Variants in ZBTB7C observed in about 807,000 individuals in gnomAD.
The protein encoded by ZBTB7C is zinc finger and BTB domain containing 7C.
In ZBTB7C, 8 loss-of-function variants were observed where a neutral mutation model predicts 25.7. The observed-to-expected ratio is 0.31, with a 90% CI of 0.18 to 0.56. ZBTB7C has a LOEUF of 0.56. Among genes scored for constraint, ZBTB7C ranks in the 20% least tolerant of loss-of-function variants. ZBTB7C has a pLI of 0.91. For missense variants in ZBTB7C, 824 were observed against 855.2 expected (o/e 0.96, Z 0.46); for synonymous variants, 394 against 369.0 (o/e 1.07, Z -0.78).
rs577556291 is a variant in ZBTB7C, at chr18:48,330,369, T to C, written c.-79+7805A>G. Among the ~76,000 whole-genome samples, 5 of 152,306 alleles carry C rather than the reference T, an allele frequency of 3.3e-5. No homozygotes were observed. In the East Asian group the frequency reaches 9.7e-4, roughly 29 times the overall value. On this transcript the variant is annotated intron_variant, in intron 2 of 4. Transcript: ENST00000590800. The stretch of plus-strand genomic sequence containing the variant: ...TTAGGTAGCATGAGCTCTTGCCTGC[T>C]GTTCACATCCTGAATAACTCCATGC...
chr18:48,117,174 C>A (rs1275188255), intron 3 of ZBTB7C, among the ~76,000 whole-genome samples: 1 of 152,286 alleles, frequency 6.6e-6, no homozygotes, highest in East Asian at 1.9e-4. Context: ...ACATACCAGT[C>A]CCTCCGTGGA....
At chr18:48,227,995 G>C (rs1011429425) in intron 2 of ZBTB7C, among the ~76,000 whole-genome samples, 4 of 152,176 alleles carry the variant, frequency 2.6e-5, no homozygotes, top group African/African-American at 9.7e-5. Context: ...TGGGAGGAAA[G>C]GGATGGGCAT....
chr18:48,210,934 T>C (rs939041183), intron 2 of ZBTB7C, among the ~76,000 whole-genome samples: 5 of 152,156 alleles, frequency 3.3e-5, no homozygotes, highest in African/African-American at 9.7e-5. Flanking sequence ...AGGACTGACT[T>C]CAAGAACTAC....
intron 1 of ZBTB7C, among the ~76,000 whole-genome samples, chr18:48,358,229 G>A (rs2047021837): frequency 6.6e-6 from 1 of 152,168 alleles, no homozygotes; most frequent in African/African-American, 2.4e-5. Flanking sequence ...GCGGGCACCT[G>A]TAATCCCAGC....
At chr18:48,408,923 T>TTCCC (rs1298211466) in intron 1 of ZBTB7C, among the ~76,000 whole-genome samples, 15 of 136,738 alleles carry the variant, frequency 1.1e-4, no homozygotes, top group African/African-American at 3.8e-4. Flanking sequence ...CCCTCCCTCC[T>TTCCC]TCCCTCCCTC....
chr18:48,273,730 T>A (rs73955675), intron 2 of ZBTB7C, among the ~76,000 whole-genome samples: 4 of 152,172 alleles, frequency 2.6e-5, no homozygotes, highest in African/African-American at 9.6e-5. Context: ...AATAGTTACA[T>A]AATTTCTCTG....
intron 1 of ZBTB7C, among the ~76,000 whole-genome samples, chr18:48,356,097 G>A (rs1037719860): frequency 6.6e-6 from 1 of 152,132 alleles, no homozygotes; most frequent in Admixed American, 6.5e-5. Flanking sequence ...AGGCAACTCC[G>A]ATGCGCATGA....
intron 3 of ZBTB7C, among the ~76,000 whole-genome samples, chr18:48,075,179 C>T (rs141676458): frequency 5.9e-5 from 9 of 152,284 alleles, no homozygotes; most frequent in South Asian, 2.1e-4. Context: ...ATGAAGAGGA[C>T]GCATTTGAGC....
intron 1 of ZBTB7C, among the ~76,000 whole-genome samples, chr18:48,389,368 CAAAAAAA>C (rs36028137): frequency 9.2e-6 from 1 of 109,228 alleles, no homozygotes; most frequent in African/African-American, 3.4e-5. Context: ...AAAGATAGAC[CAAAAAAA>C]AAAAAAAAAA....
At chr18:48,328,316 G>A (rs530680615) in intron 2 of ZBTB7C, among the ~76,000 whole-genome samples, 28 of 152,162 alleles carry the variant, frequency 1.8e-4, no homozygotes, top group Non-Finnish European at 3.1e-4. Flanking sequence ...ACAGTGACAC[G>A]GATGTGGATC....
chr18:48,358,903 T>C (rs546771784), intron 1 of ZBTB7C, among the ~76,000 whole-genome samples: 39 of 152,270 alleles, frequency 2.6e-4, no homozygotes, highest in African/African-American at 9.1e-4. Flanking sequence ...CCCGGTTTCC[T>C]CCTCCCTTAT....
chr18:48,141,988 G>A (rs542483297), intron 3 of ZBTB7C, among the ~76,000 whole-genome samples: 280 of 152,286 alleles, frequency 1.8e-3, no homozygotes, highest in Middle Eastern at 3.4e-3. Flanking sequence ...ATGCATTGCC[G>A]TTTAGCATTG....
chr18:48,408,567 T>C (rs2048334857), intron 1 of ZBTB7C: 1 of 152,238 alleles, frequency 6.6e-6, no homozygotes. Context: ...GCAAGGACTG[T>C]ACTCTGCTCA....
rs545118474 is a variant in ZBTB7C at position 48,344,933 on chromosome 18, T to C, written c.-303-6535A>G. On this transcript the variant is annotated intron_variant, in intron 1 of 4. Transcript: ENST00000590800. Reference sequence around the variant, plus strand: ...TTTGTAATTTAAAATTTATCTTCTATATACTCTCTGATGTCCACTCCTCAA... The same window carrying C: ...TTTGTAATTTAAAATTTATCTTCTACATACTCTCTGATGTCCACTCCTCAA... Among the ~76,000 whole-genome samples the C allele has an allele frequency of 7.9e-5, 12 of 152,344 alleles. No homozygotes were observed. In the East Asian group the frequency reaches 2.1e-3, roughly 27 times the overall value.
At chr18:48,070,537 T>G (rs2037504353) in intron 3 of ZBTB7C, among the ~76,000 whole-genome samples, 1 of 152,150 alleles carries the variant, frequency 6.6e-6, no homozygotes, top group Non-Finnish European at 1.5e-5. Context: ...CTTGCCCCAT[T>G]TCAGTGTGGG....
At chr18:48,369,275 TA>T (rs965632036) in intron 1 of ZBTB7C, among the ~76,000 whole-genome samples, 6 of 152,028 alleles carry the variant, frequency 3.9e-5, no homozygotes, top group African/African-American at 1.4e-4. Flanking sequence ...GAGTATCTAC[TA>T]AAAAATTATA....
In ZBTB7C at chr18:48,323,213, T is replaced by TA. The variant is rs529219720; in HGVS notation, c.-79+14960dup. Among the ~76,000 whole-genome samples the TA allele has an allele frequency of 1.4e-4, 21 of 152,128 alleles. No homozygotes were observed. In the South Asian group the frequency reaches 3.1e-3, roughly 23 times the overall value. On this transcript the variant is annotated intron_variant, in intron 2 of 4. Transcript: ENST00000590800. ...AAAAAATTGAAAGAAAATATCAATT[T>TA]AAAAAAAAGCCAGACTCTGCATTAA...
At chr18:48,148,146 G>C (rs1482282901) in intron 3 of ZBTB7C, 1 of 146,990 alleles carries the variant, frequency 6.8e-6, no homozygotes, top group African/African-American at 2.5e-5. Flanking sequence ...ACAGGCACCT[G>C]CCACCACGGC....
At chr18:48,233,770 A>C (rs572862156) in intron 2 of ZBTB7C, among the ~76,000 whole-genome samples, 68 of 152,308 alleles carry the variant, frequency 4.5e-4, no homozygotes, top group South Asian at 1.9e-3. Flanking sequence ...TTTTTTAATA[A>C]AGGGAAATGT....
Sources: allele counts gnomAD v4.1 joint callset (sites outside exome capture counted in the v4.1 genomes callset), GRCh38; gene constraint gnomAD v4.1.1; transcripts MANE v1.5; gene names NCBI Gene and HGNC (gene_info 2026-07-23, HGNC 2026-07-21).